ADAM18: variants seen among roughly 807,000 people sequenced by gnomAD.
The protein encoded by ADAM18 is ADAM metallopeptidase domain 18.
A neutral mutation model predicts 94.4 loss-of-function variants in ADAM18; 117 were observed. The ratio of observed to expected loss-of-function variants is 1.24; its 90% CI spans 1.07 to 1.45. ADAM18 has a LOEUF of 1.45. ADAM18 is among the 40% of genes most tolerant of loss of function. The pLI, the probability that ADAM18 is intolerant of heterozygous loss-of-function variation, is 0.00. For missense variants in ADAM18, 936 were observed against 880.0 expected (o/e 1.06, Z -0.81); for synonymous variants, 327 against 291.6 (o/e 1.12, Z -1.24).
chr8:39,584,837 A>AG (rs1393347630), intron 1 of ADAM18, among the ~76,000 whole-genome samples, 160 bp downstream of exon 1: 7 of 152,094 alleles, frequency 4.6e-5, no homozygotes, highest in Middle Eastern at 3.2e-3. Flanking sequence ...ACGCCAGGCC[A>AG]GGGGGAACTA....
At chr8:39,663,434 A>G (rs1820898832) in intron 12 of ADAM18, among the ~76,000 whole-genome samples, 1 of 148,826 alleles carries the variant, frequency 6.7e-6, no homozygotes, top group Non-Finnish European at 1.5e-5. Context: ...ACAAAAAAAA[A>G]AAAAAAAGAA....
At chr8:39,637,388 A>G (rs1171393600) in intron 8 of ADAM18, 53 bp downstream of exon 8, 2 of 1,542,108 alleles carry the variant, frequency 1.3e-6, no homozygotes, top group African/African-American at 2.8e-5. Context: ...CTTTAATATA[A>G]TTTGGGTTCT....
chr8:39,654,316 C>G (rs1193254185), intron 12 of ADAM18, among the ~76,000 whole-genome samples: 1 of 151,348 alleles, frequency 6.6e-6, no homozygotes, highest in East Asian at 1.9e-4. Context: ...GTGATCCACC[C>G]GCCTTGGCCT....
Position 39,657,946 on chromosome 8 carries a change from G to T in ADAM18, c.1231-5849G>T, listed in dbSNP as rs1009592643. Among the ~76,000 whole-genome samples, 3 of 151,978 alleles carry T rather than the reference G, an allele frequency of 2.0e-5. 1 individual carries two copies. The highest frequency in any genetic ancestry group is 4.1e-4 in the South Asian group (2 of 4,822). On this transcript the variant is annotated intron_variant, in intron 12 of 19. Coordinates refer to ENST00000265707, the MANE Select transcript of ADAM18 (RefSeq NM_014237.3). ...CAGGAATAGACATAACTGTTAAAAG[G>T]TTATATTTTCCTATTAAATGAGAAT...
intron 2 of ADAM18, among the ~76,000 whole-genome samples, chr8:39,590,408 G>A (rs1182781737): frequency 6.6e-6 from 1 of 152,092 alleles, no homozygotes; most frequent in Non-Finnish European, 1.5e-5. Flanking sequence ...ACACAGGAAG[G>A]GCAACATCAC....
chr8:39,609,185 A>G, intron 4 of ADAM18, 65 bp downstream of exon 4: 2 of 1,091,180 alleles, frequency 1.8e-6, no homozygotes, highest in Non-Finnish European at 2.7e-6. Flanking sequence ...AATGTGTTTC[A>G]TGTTGACAGT....
chr8:39,660,290 T>C (rs1820801167), intron 12 of ADAM18, among the ~76,000 whole-genome samples: 1 of 152,140 alleles, frequency 6.6e-6, no homozygotes, highest in Non-Finnish European at 1.5e-5. Context: ...GATTATTGAA[T>C]CAGAAGACAC....
intron 6 of ADAM18, among the ~76,000 whole-genome samples, chr8:39,626,321 G>A (rs1322859409): frequency 1.3e-5 from 2 of 151,868 alleles, no homozygotes; most frequent in Non-Finnish European, 2.9e-5. Flanking sequence ...TGGAACTAAT[G>A]GTCTATTAGT....
intron 6 of ADAM18, among the ~76,000 whole-genome samples, chr8:39,620,375 C>A (rs66652388): frequency 0.32 from 26,344 of 82,196 alleles, 3,596 homozygotes; most frequent in Admixed American, 0.37. Context: ...AAAAAAAAAA[C>A]AAAAAAAAAT....
At chr8:39,663,615 A>T (rs1269792637) in intron 12 of ADAM18, among the ~76,000 whole-genome samples, 180 bp from the exon 13 acceptor site, 1 of 149,290 alleles carries the variant, frequency 6.7e-6, no homozygotes, top group Non-Finnish European at 1.5e-5. Flanking sequence ...AAAAAAAAAA[A>T]AAAAAAAAAA....
At chr8:39,718,989 G>A (rs1394121269) in intron 18 of ADAM18, among the ~76,000 whole-genome samples, 1 of 151,160 alleles carries the variant, frequency 6.6e-6, no homozygotes, top group African/African-American at 2.4e-5. Context: ...AAGGTGATAA[G>A]CTGATTGTAA....
chr8:39,686,940 T>C lies in ADAM18; in HGVS notation c.1822-5660T>C, dbSNP rs1004066481. 2.0e-5 allele frequency among the ~76,000 whole-genome samples: 3 copies of C among 152,356 alleles called. No individual in the cohort carries two copies. The East Asian group carries it at 5.8e-4, about 29-fold the overall frequency. On this transcript the variant is annotated intron_variant, in intron 16 of 19. Transcript: ENST00000265707. ...AGATCTAAGGGGAATTTGTTGAAAG[T>C]TAGCTAAGAGTGCCTTCATCACAGG...
chr8:39,613,354 GC>G (rs1489658701), intron 6 of ADAM18, among the ~76,000 whole-genome samples: 1 of 152,192 alleles, frequency 6.6e-6, no homozygotes, highest in Non-Finnish European at 1.5e-5. Context: ...AGAGCATGCA[GC>G]CCAGGAGTAC....
intron 18 of ADAM18, among the ~76,000 whole-genome samples, chr8:39,717,836 A>T (rs1459381295): frequency 6.6e-6 from 1 of 151,650 alleles, no homozygotes; most frequent in African/African-American, 2.4e-5. Flanking sequence ...TCCAAAATAT[A>T]TAAGAATATA....
chr8:39,608,960 A>G (rs1585893295), intron 3 of ADAM18, 82 bp from the exon 4 acceptor site: 1 of 795,282 alleles, frequency 1.3e-6, no homozygotes, highest in Non-Finnish European at 2.0e-6. Context: ...AAATCGTGTT[A>G]TATAAAATGT....
At chr8:39,631,224 C>T (rs1819923824) in intron 7 of ADAM18, among the ~76,000 whole-genome samples, 2 of 151,722 alleles carry the variant, frequency 1.3e-5, no homozygotes, top group South Asian at 4.1e-4. Flanking sequence ...AATTTAAGTC[C>T]AATTTATGTT....
rs142486445 is a variant in ADAM18 at position 39,684,017 on chromosome 8, C to T, written c.1821+3791C>T. On this transcript the variant is annotated intron_variant, in intron 16 of 19. Coordinates refer to ENST00000265707, the MANE Select transcript of ADAM18 (RefSeq NM_014237.3). Reference sequence around the variant, plus strand: ...AAAATTAGCCAGGTATGGTGGCACACACCTGTAGTCCCAGCTACTTGGGAG... The same window carrying T: ...AAAATTAGCCAGGTATGGTGGCACATACCTGTAGTCCCAGCTACTTGGGAG... Among the ~76,000 whole-genome samples the T allele has an allele frequency of 7.9e-3, 1,195 of 152,212 alleles. 16 individuals are homozygous for T. Among genetic ancestry groups the T allele is most frequent in the African/African-American group, 0.027 (1,130 of 41,514 alleles).
rs144330769 is a variant in ADAM18, at chr8:39,656,432, T to G, written c.1231-7363T>G. Reference sequence around the variant, plus strand: ...TGACGCTGGGACAATTCAATATACATAAGAAATAGTCTTTACCTATTTGGT... The same window carrying G: ...TGACGCTGGGACAATTCAATATACAGAAGAAATAGTCTTTACCTATTTGGT... On this transcript the variant is annotated intron_variant, in intron 12 of 19. Coordinates refer to ENST00000265707, the MANE Select transcript of ADAM18 (RefSeq NM_014237.3). Among the ~76,000 whole-genome samples, 971 of 152,166 alleles carry G rather than the reference T, an allele frequency of 6.4e-3. 5 individuals carry two copies. The highest frequency in any genetic ancestry group is 0.022 in the African/African-American group (921 of 41,540).
chr8:39,596,871 C>T (rs1357906570), intron 2 of ADAM18, among the ~76,000 whole-genome samples: 1 of 152,096 alleles, frequency 6.6e-6, no homozygotes, highest in African/African-American at 2.4e-5. Flanking sequence ...CTATTCAAAT[C>T]AATGTGTAAT....
Sources: allele counts gnomAD v4.1 joint callset (sites outside exome capture counted in the v4.1 genomes callset), GRCh38; gene constraint gnomAD v4.1.1; transcripts MANE v1.5; gene names NCBI Gene and HGNC (gene_info 2026-07-23, HGNC 2026-07-21).